DGLUCY: variants seen among roughly 807,000 people sequenced by gnomAD.
DGLUCY encodes the protein D-glutamate cyclase, also known as D-glutamate cyclase, mitochondrial.
In DGLUCY, 58 loss-of-function variants were observed where a neutral mutation model predicts 58.5. The ratio of observed to expected loss-of-function variants is 0.99; its 90% CI spans 0.80 to 1.23. The LOEUF (loss-of-function observed/expected upper bound fraction) is 1.23. Ranked by LOEUF, DGLUCY falls within the 50% of genes most tolerant of loss-of-function variation. The pLI is 0.00. For synonymous variants in DGLUCY, 325 were observed against 314.1 expected, an observed-to-expected ratio of 1.03 and a Z score of -0.37; for missense variants, 779 against 784.7, an observed-to-expected ratio of 0.99 and a Z score of 0.09.
chr14:91,088,770 T>C (rs2044262633), intron 1 of DGLUCY, among the ~76,000 whole-genome samples: 1 of 152,190 alleles, frequency 6.6e-6, no homozygotes, highest in South Asian at 2.1e-4. Flanking sequence ...CAGACATGTG[T>C]ACATACCCAG....
At chr14:91,067,066 G>A (rs958747261) in intron 1 of DGLUCY, among the ~76,000 whole-genome samples, 8 of 139,530 alleles carry the variant, frequency 5.7e-5, no homozygotes, top group African/African-American at 1.7e-4. Context: ...GGGTGACAGA[G>A]CGAGACTCCA....
chr14:91,195,247 G>T (rs2050131860), intron 9 of DGLUCY, among the ~76,000 whole-genome samples: 1 of 152,150 alleles, frequency 6.6e-6, no homozygotes, highest in Non-Finnish European at 1.5e-5. Context: ...CTTTATCTTT[G>T]GCCAGTGACT....
chr14:91,202,852 C>T (rs2050660041), intron 11 of DGLUCY, among the ~76,000 whole-genome samples: 1 of 152,170 alleles, frequency 6.6e-6, no homozygotes. Flanking sequence ...GCCCTTCTCA[C>T]GGCCTCAGGA....
chr14:91,064,622 C>CAAAAAAAAAA (rs35830145), intron 1 of DGLUCY, among the ~76,000 whole-genome samples: 11 of 57,460 alleles, frequency 1.9e-4, no homozygotes, highest in South Asian at 1.3e-3. Flanking sequence ...GACTCTGTCT[C>CAAAAAAAAAA]AAAAAAAAAA....
intron 7 of DGLUCY, among the ~76,000 whole-genome samples, chr14:91,177,553 C>T (rs1026930226): frequency 3.3e-5 from 5 of 152,188 alleles, no homozygotes; most frequent in African/African-American, 1.2e-4. Context: ...AGGGCGCCCT[C>T]GCTAGCTCTC....
exon 1 of DGLUCY, chr14:91,060,402 G>A (rs1341949601): frequency 1.8e-5 from 27 of 1,505,176 alleles, no homozygotes; most frequent in Middle Eastern, 1.8e-4. Flanking sequence ...TGGTCCCCGC[G>A]GCGCCGCCGC....
At chr14:91,207,635 C>A (rs186851465) in intron 12 of DGLUCY, among the ~76,000 whole-genome samples, 9 of 152,270 alleles carry the variant, frequency 5.9e-5, no homozygotes, top group African/African-American at 2.2e-4. Flanking sequence ...AAGCCAGAGG[C>A]AGGTGGGGAA....
chr14:91,060,441 C>CT, exon 1 of DGLUCY: 16 of 1,462,810 alleles, frequency 1.1e-5, no homozygotes, highest in South Asian at 4.2e-5. Flanking sequence ...CCATCTTCTC[C>CT]TTTTTTTCCG....
chr14:91,150,746 C>A (rs2047285364), intron 1 of DGLUCY, among the ~76,000 whole-genome samples: 1 of 152,128 alleles, frequency 6.6e-6, no homozygotes, highest in South Asian at 2.1e-4. Flanking sequence ...TGTTTTTTAA[C>A]AATCACAACT....
chr14:91,104,357 C>T (rs142280290), upstream of DGLUCY, among the ~76,000 whole-genome samples: 760 of 152,196 alleles, frequency 5.0e-3, 8 homozygotes, highest in Non-Finnish European at 8.3e-3. Flanking sequence ...CCACCGCGCC[C>T]GGCCGAGAAC....
chr14:91,141,955 C>T (rs976017725), intron 1 of DGLUCY, among the ~76,000 whole-genome samples: 4 of 151,968 alleles, frequency 2.6e-5, no homozygotes, highest in Admixed American at 2.6e-4. Flanking sequence ...AAGCGATTCT[C>T]CTGCCTCAGC....
chr14:91,217,634 G>A (rs1886782483), intron 13 of DGLUCY, among the ~76,000 whole-genome samples: 1 of 150,684 alleles, frequency 6.6e-6, no homozygotes, highest in African/African-American at 2.4e-5. Flanking sequence ...ACAGGTGCCT[G>A]CCACCATGCC....
intron 7 of DGLUCY, among the ~76,000 whole-genome samples, chr14:91,177,927 A>T (rs2048950948): frequency 6.6e-6 from 1 of 152,112 alleles, no homozygotes; most frequent in South Asian, 2.1e-4. Context: ...GTCTTGTCTG[A>T]GTGTGTGTGT....
At chr14:91,213,001 T>TA (rs59133029) in intron 12 of DGLUCY, among the ~76,000 whole-genome samples, 185 of 135,868 alleles carry the variant, frequency 1.4e-3, no homozygotes, top group East Asian at 9.5e-3. Flanking sequence ...ACTCCGTCTC[T>TA]AAAAAAAAAA....
chr14:91,224,902 C>T lies in DGLUCY; in HGVS notation c.*69C>T, dbSNP rs577253771. The stretch of plus-strand genomic sequence containing the variant: ...TCTGCATCCGGGGAGAATGCAGCTG[C>T]TTCTGGCGACAATCCTGCTAGTAAA... On this transcript the variant is annotated 3_prime_UTR_variant, in exon 14 of 14. Coordinates refer to ENST00000256324, the MANE Select transcript of DGLUCY (RefSeq NM_001102368.3). 1.6e-5 allele frequency: 23 copies of T among 1,457,630 alleles called. No individual in the cohort carries two copies. In the African/African-American group the frequency reaches 3.1e-4, roughly 20 times the overall value. 90.3% of individuals were successfully genotyped at this position (1,457,630 alleles called of 1,614,324 possible). A position where few individuals can be genotyped will look rare whatever the true frequency, so the allele number is the denominator to read the frequency against.
chr14:91,130,019 G>A (rs993553457), intron 1 of DGLUCY, among the ~76,000 whole-genome samples: 11 of 152,160 alleles, frequency 7.2e-5, no homozygotes, highest in African/African-American at 2.7e-4. Flanking sequence ...ACTGCATAGT[G>A]TTACATTGTA....
chr14:91,184,991 A>G (rs1244601185), intron 8 of DGLUCY, among the ~76,000 whole-genome samples: 1 of 151,842 alleles, frequency 6.6e-6, no homozygotes, highest in Admixed American at 6.6e-5. Context: ...CTTTTGAGAC[A>G]CAGTCTCACT....
At chr14:91,167,484 C>A in intron 4 of DGLUCY, 106 bp downstream of exon 4, 1 of 1,412,680 alleles carries the variant, frequency 7.1e-7, no homozygotes, top group African/African-American at 1.4e-5. Context: ...GGGACCTTCA[C>A]AGTGCCTGGC....
chr14:91,133,863 T>G (rs1336884338), intron 1 of DGLUCY, among the ~76,000 whole-genome samples: 1 of 152,228 alleles, frequency 6.6e-6, no homozygotes, highest in Non-Finnish European at 1.5e-5. Flanking sequence ...AAGTGGTATC[T>G]CACTGTGGTT....
Sources: gnomAD v4.1 joint callset for allele counts (sites outside exome capture counted in the v4.1 genomes callset) on GRCh38, gnomAD v4.1.1 for gene constraint, MANE v1.5 for transcripts, NCBI Gene and HGNC (gene_info 2026-07-23, HGNC 2026-07-21) for gene names.